LCOR: variants seen among roughly 807,000 people sequenced by gnomAD.
The protein encoded by LCOR is ligand dependent nuclear receptor corepressor, also known as ligand-dependent corepressor.
LCOR carries 14 observed loss-of-function variants against 64.4 expected under a neutral mutation model. The observed-to-expected ratio is 0.22, with a 90% confidence interval of 0.14 to 0.34. LCOR has a LOEUF of 0.34. Among genes scored for constraint, LCOR ranks in the 10% least tolerant of loss-of-function variants. LCOR has a pLI of 1.00. For synonymous variants in LCOR, 643 were observed against 642.5 expected (o/e 1.00, Z -0.01); for missense variants, 1,686 against 1,765.3 (o/e 0.96, Z 0.80).
chr10:96,832,841 G>T (rs1644298336), intron 1 of LCOR: 2 of 267,478 alleles, frequency 7.5e-6, no homozygotes, highest in Admixed American at 6.6e-5. Flanking sequence ...CCCCACCCGC[G>T]CTGTGGCCGC....
Position 96,981,018 on chromosome 10 carries a change from A to G in LCOR, c.558A>G (p.Lys186=), listed in dbSNP as rs1278781355. 1.4e-6 allele frequency: 1 copy of G among 702,906 alleles called. No homozygotes were observed. The highest frequency in any genetic ancestry group is 2.6e-6 in the Non-Finnish European group (1 of 385,008). The allele number at this position is 702,906 out of a possible 1,614,324, so 43.5% of individuals were successfully genotyped here. Residue 186 remains lysine, a synonymous_variant, in exon 8 of 8, where the codon AAA becomes AAG. Transcript: ENST00000421806. The part of the protein sequence containing the change: ...CNAGCAQLST[K]HKEKDALCLD... ...CTGGCTGTGCCCAGCTCAGCACCAA[A>G]CATAAGGAAAAAGATGCTCTGTGTC... is the stretch of plus-strand genomic sequence containing the variant.
intron 2 of LCOR, among the ~76,000 whole-genome samples, chr10:96,887,544 CAGAGTGAGACTCCGTCTCAAAAA>C: frequency 6.7e-6 from 1 of 149,536 alleles, no homozygotes; most frequent in South Asian, 2.1e-4. Flanking sequence ...GCCTGGGCAA[CAGAGTGAGACTCCGTCTCAAAAA>C]AAAAAAAAAT....
rs1361006224 is a variant in LCOR at position 96,992,560 on chromosome 10, CAGGCA to C, written c.*7427_*7431del. The C allele has an allele frequency of 2.0e-5, 3 of 152,282 alleles. No individual in the cohort carries two copies. The highest frequency in any genetic ancestry group is 4.4e-5 in the Non-Finnish European group (3 of 68,068). 9.4% of individuals were successfully genotyped at this position (152,282 alleles called of 1,614,324 possible). A position where few individuals can be genotyped will look rare whatever the true frequency, so the allele number is the denominator to read the frequency against. The stretch of plus-strand genomic sequence containing the variant: ...AATCCCATCATGGGTATGGCTGTGC[CAGGCA>C]TGGCATCGGGTGTGCCCCATGCAGC... On this transcript the variant is annotated 3_prime_UTR_variant, in exon 8 of 8. Coordinates refer to ENST00000421806, the MANE Select transcript of LCOR (RefSeq NM_001346516.2).
chr10:96,968,631 A>G (rs907702052), intron 7 of LCOR, among the ~76,000 whole-genome samples: 3 of 152,150 alleles, frequency 2.0e-5, no homozygotes, highest in Non-Finnish European at 2.9e-5. Context: ...CAAGTTTGAG[A>G]GATAGGATTT....
At chr10:96,958,366 G>A in intron 7 of LCOR, 1 of 1,532,176 alleles carries the variant, frequency 6.5e-7, no homozygotes, top group Non-Finnish European at 8.8e-7. Flanking sequence ...TAGTGTACAT[G>A]GAGTGATCAT....
At chr10:96,918,384 A>G (rs1846991657) in intron 4 of LCOR, among the ~76,000 whole-genome samples, 1 of 152,146 alleles carries the variant, frequency 6.6e-6, no homozygotes, top group South Asian at 2.1e-4. Flanking sequence ...GTTCTCAAGA[A>G]TTCTGGTTGT....
rs1564645677 is a variant in LCOR, at chr10:96,981,999, G to A, written c.1539G>A (p.Leu513=). ...TTTTCAATGGTGACTGTTGTGAGCT[G>A]CCAACTGTTCGTACACTGGCCAGAA... The part of the protein sequence containing the change: ...GYFFNGDCCE[L]PTVRTLARNL... The change falls in exon 8 of 8, where the codon CTG becomes CTA. Residue 513 remains leucine, a synonymous_variant. Transcript: ENST00000421806. 2.5e-6 allele frequency: 4 copies of A among 1,613,968 alleles called. No individual in the cohort carries two copies. The highest frequency in any genetic ancestry group is 2.2e-5 in the East Asian group (1 of 44,880).
At chr10:96,956,570 A>T in intron 7 of LCOR, 1 of 985,850 alleles carries the variant, frequency 1.0e-6, no homozygotes, top group Non-Finnish European at 1.2e-6. Context: ...ATTAGTGCTC[A>T]CCCAGAGGGG....
intron 4 of LCOR, among the ~76,000 whole-genome samples, chr10:96,910,727 G>A (rs1402163612): frequency 6.6e-6 from 1 of 152,178 alleles, no homozygotes; most frequent in Non-Finnish European, 1.5e-5. Context: ...CATGGTACTG[G>A]ATCTTGAGTT....
chr10:96,967,943 A>G (rs1026616827), intron 7 of LCOR, among the ~76,000 whole-genome samples: 2 of 152,172 alleles, frequency 1.3e-5, no homozygotes, highest in African/African-American at 4.8e-5. Context: ...TCAACCTTTT[A>G]AAAATATAGA....
At chr10:96,924,230 T>C (rs974808155) in intron 4 of LCOR, among the ~76,000 whole-genome samples, 2 of 152,134 alleles carry the variant, frequency 1.3e-5, no homozygotes, top group African/African-American at 4.8e-5. Flanking sequence ...TTTGAGACAG[T>C]TTCACTTTGT....
intron 6 of LCOR, among the ~76,000 whole-genome samples, chr10:96,951,132 C>A (rs17112234): frequency 0.066 from 10,110 of 152,058 alleles, 371 homozygotes; most frequent in East Asian, 0.18. Context: ...TACTGGCCAA[C>A]TGAAAATTAA....
At chr10:96,957,948 C>T (rs760596456) in intron 7 of LCOR, 2 of 986,866 alleles carry the variant, frequency 2.0e-6, no homozygotes, top group Non-Finnish European at 2.4e-6. Flanking sequence ...AATATTTTGT[C>T]ACCTAGCTGG....
In LCOR at chr10:96,900,352, CT is replaced by C. The variant is rs572541365; in HGVS notation, c.-329-6906del. On this transcript the variant is annotated intron_variant, in intron 2 of 7. Transcript: ENST00000421806. ...CTTTTAAGTCATCCTATACTTGATT[CT>C]TTTTTTAAAAAAAGAAACCTGAAAA... 1.0e-2 allele frequency among the ~76,000 whole-genome samples: 1,514 copies of C among 151,650 alleles called. 22 individuals carry two copies. Among genetic ancestry groups the C allele is most frequent in the African/African-American group, 0.031 (1,298 of 41,360 alleles).
chr10:96,934,703 GAGATTCTCGTGCCTC>G (rs1160299326), intron 4 of LCOR, among the ~76,000 whole-genome samples: 1 of 152,090 alleles, frequency 6.6e-6, no homozygotes, highest in Non-Finnish European at 1.5e-5. Context: ...CTGGGTTCAG[GAGATTCTCGTGCCTC>G]AGCCTCCTGA....
chr10:96,839,871 A>C (rs1200254196), intron 2 of LCOR, among the ~76,000 whole-genome samples: 2 of 152,022 alleles, frequency 1.3e-5, no homozygotes, highest in Non-Finnish European at 2.9e-5. Flanking sequence ...TAGTTTTAGG[A>C]AAGACAGGGT....
At chr10:96,969,845 T>TC (rs1847982786) in intron 7 of LCOR, among the ~76,000 whole-genome samples, 1 of 149,188 alleles carries the variant, frequency 6.7e-6, no homozygotes, top group South Asian at 2.1e-4. Flanking sequence ...AGTGGTGTGA[T>TC]CTCAGCTCAC....
In LCOR at chr10:96,980,847, A is replaced by G. The variant is rs1478813860; in HGVS notation, c.387A>G (p.Pro129=). The change falls in exon 8 of 8, where the codon CCA becomes CCG. Residue 129 remains proline, a synonymous_variant. Coordinates refer to ENST00000421806, the MANE Select transcript of LCOR (RefSeq NM_001346516.2). ...ATTCTAACAATCAGTCGAAGTCCCC[A>G]CTGGAGAAATTTATGGTCAAACTGT... The part of the protein sequence containing the change: ...AVDSNNQSKS[P]LEKFMVKLCT... 4 of 702,914 alleles carry G rather than the reference A, an allele frequency of 5.7e-6. No homozygotes were observed. Among genetic ancestry groups the G allele is most frequent in the African/African-American group, 5.2e-5 (3 of 57,250 alleles). The allele number at this position is 702,914 out of a possible 1,614,324, so 43.5% of individuals were successfully genotyped here.
chr10:96,896,999 C>A (rs1305968026), intron 2 of LCOR, among the ~76,000 whole-genome samples: 1 of 147,722 alleles, frequency 6.8e-6, no homozygotes, highest in East Asian at 2.0e-4. Flanking sequence ...TGAAGGAAAT[C>A]ATTCAGCTTA....
Sources: allele counts gnomAD v4.1 joint callset (sites outside exome capture counted in the v4.1 genomes callset), GRCh38; gene constraint gnomAD v4.1.1; transcripts MANE v1.5; gene names NCBI Gene and HGNC (gene_info 2026-07-23, HGNC 2026-07-21).